The following PTK2 variants were observed in gnomAD, a reference collection of about 807,000 sequenced individuals.
PTK2 encodes protein tyrosine kinase 2, also known as focal adhesion kinase 1.
Under a neutral mutation model 150.1 loss-of-function variants are expected in PTK2, and 45 were observed. The ratio of observed to expected loss-of-function variants is 0.30; its 90% CI spans 0.24 to 0.38. The LOEUF (loss-of-function observed/expected upper bound fraction) is 0.38, where lower values mean the gene tolerates loss of function less well. Ranked by LOEUF, PTK2 falls within the 10% of genes least tolerant of loss-of-function variation. The pLI is 1.00. For missense variants in PTK2, 919 were observed against 1,307.3 expected (o/e 0.70, Z 4.58); for synonymous variants, 432 against 449.2 (o/e 0.96, Z 0.48).
intron 26 of PTK2, among the ~76,000 whole-genome samples, chr8:140,697,638 G>A (rs369674276): frequency 3.4e-4 from 52 of 152,096 alleles, no homozygotes; most frequent in African/African-American, 1.2e-3. Context: ...TGGCCAGGCC[G>A]GTCTCGAACT....
At chr8:140,852,463 T>C (rs11785111) in intron 5 of PTK2, among the ~76,000 whole-genome samples, 64,423 of 151,992 alleles carry the variant, frequency 0.42, 15,346 homozygotes, top group Non-Finnish European at 0.55. Context: ...GTGTAAACAT[T>C]AGTGAAATCT....
chr8:140,994,307 T>C lies in PTK2; in HGVS notation c.-122+6818A>G, dbSNP rs149354225. On this transcript the variant is annotated intron_variant, in intron 1 of 31. Coordinates refer to ENST00000522684, the Ensembl canonical transcript of PTK2. ...ACAAACCATTTCATTAGAGTATTTATGCAAATCAAGCTACAATTAACAGCA... is the reference window on the plus strand; with the variant it reads ...ACAAACCATTTCATTAGAGTATTTACGCAAATCAAGCTACAATTAACAGCA... 7.9e-5 allele frequency among the ~76,000 whole-genome samples: 12 copies of C among 152,360 alleles called. No individual in the cohort carries two copies. In the East Asian group the frequency reaches 2.3e-3, roughly 29 times the overall value.
At chr8:141,001,462 C>T (rs531747006), upstream of PTK2, 26 of 152,272 alleles carry the variant, frequency 1.7e-4, no homozygotes, top group East Asian at 4.1e-3. Flanking sequence ...GTAATTTGTC[C>T]TGTAGTGACC....
chr8:140,947,768 TG>T (rs1262096063), intron 1 of PTK2, among the ~76,000 whole-genome samples: 3 of 152,152 alleles, frequency 2.0e-5, no homozygotes, highest in African/African-American at 7.2e-5. Context: ...GATGAGGCTT[TG>T]GGCCTGGCCA....
chr8:140,694,259 T>C (rs2100025086), intron 26 of PTK2, among the ~76,000 whole-genome samples: 1 of 152,086 alleles, frequency 6.6e-6, no homozygotes, highest in African/African-American at 2.4e-5. Flanking sequence ...GCCAGGATGG[T>C]CTCGATCTCC....
intron 1 of PTK2, among the ~76,000 whole-genome samples, chr8:140,955,854 A>C (rs2100181031): frequency 6.6e-6 from 1 of 152,214 alleles, no homozygotes; most frequent in African/African-American, 2.4e-5. Flanking sequence ...TGGAGGCATA[A>C]AGGATGATGG....
chr8:140,731,855 A>G (rs1426567697), intron 22 of PTK2, among the ~76,000 whole-genome samples: 1 of 152,170 alleles, frequency 6.6e-6, no homozygotes, highest in African/African-American at 2.4e-5. Flanking sequence ...GGCAGCAGAG[A>G]TGGTGCCACC....
Position 140,811,940 on chromosome 8 carries a change from C to T in PTK2, c.867+6337G>A, listed in dbSNP as rs562657658. On this transcript the variant is annotated intron_variant, in intron 10 of 31. Coordinates refer to ENST00000522684, the Ensembl canonical transcript of PTK2. ...GTAAAGAGACCAAATCTATGTCTCA[C>T]TGGTGTCCCTGAAAGAGCTGGGGAG... Among the ~76,000 whole-genome samples the T allele has an allele frequency of 7.4e-4, 113 of 152,278 alleles. 1 individual carries two copies. In the Middle Eastern group the frequency reaches 0.017, roughly 23 times the overall value.
intron 19 of PTK2, among the ~76,000 whole-genome samples, chr8:140,743,628 C>T (rs935035785): frequency 2.0e-5 from 3 of 152,110 alleles, no homozygotes; most frequent in Admixed American, 2.0e-4. Flanking sequence ...TAAAACCATA[C>T]TACCAACGGC....
Position 140,668,510 on chromosome 8 carries a change from G to A in PTK2, c.2710-86C>T, listed in dbSNP as rs117248050. The A allele has an allele frequency of 1.3e-3, 1,908 of 1,436,804 alleles. 4 individuals carry two copies. Among genetic ancestry groups the A allele is most frequent in the South Asian group, 2.1e-3 (152 of 73,240 alleles). 89.0% of individuals were successfully genotyped at this position (1,436,804 alleles called of 1,614,324 possible). The stretch of plus-strand genomic sequence containing the variant: ...ATCAAGCTAGAGAGGGTCTTTACAA[G>A]AGATCAAAGCAGATTGCAGAAGGTC... On this transcript the variant is annotated intron_variant, in intron 29 of 31. Transcript: ENST00000522684.
At chr8:140,951,897 A>T (rs2100179666) in intron 1 of PTK2, among the ~76,000 whole-genome samples, 1 of 1,916 alleles carries the variant, frequency 5.2e-4, no homozygotes, top group African/African-American at 5.3e-4. Flanking sequence ...AAGAAAAATT[A>T]AAAAAAAAAA....
chr8:140,988,621 C>T (rs964298775), intron 1 of PTK2, among the ~76,000 whole-genome samples: 3 of 149,926 alleles, frequency 2.0e-5, no homozygotes, highest in Admixed American at 1.3e-4. Flanking sequence ...CCCAGCTATT[C>T]GGGAGGCTGA....
chr8:140,737,659 C>A (rs2100053362), intron 21 of PTK2, among the ~76,000 whole-genome samples: 1 of 152,164 alleles, frequency 6.6e-6, no homozygotes, highest in Non-Finnish European at 1.5e-5. Context: ...ACAAAACAAA[C>A]TCTACTTGAG....
intron 14 of PTK2, among the ~76,000 whole-genome samples, chr8:140,764,791 T>C (rs2100071441): frequency 6.6e-6 from 1 of 152,236 alleles, no homozygotes; most frequent in African/African-American, 2.4e-5. Flanking sequence ...ACTGTGCTAA[T>C]TCATTCCATT....
intron 14 of PTK2, among the ~76,000 whole-genome samples, chr8:140,779,694 A>C (rs2100080569): frequency 6.6e-6 from 1 of 152,234 alleles, no homozygotes; most frequent in Non-Finnish European, 1.5e-5. Flanking sequence ...GTATGCCAGC[A>C]ACAAGGGAGT....
chr8:140,930,682 C>T (rs990602815), intron 1 of PTK2, among the ~76,000 whole-genome samples: 5 of 152,154 alleles, frequency 3.3e-5, no homozygotes, highest in African/African-American at 1.2e-4. Context: ...GAGGACTTTA[C>T]TGGATATTGT....
At chr8:140,751,483 T>C (rs1440746962) in intron 17 of PTK2, among the ~76,000 whole-genome samples, 5 of 151,778 alleles carry the variant, frequency 3.3e-5, no homozygotes, top group Admixed American at 3.3e-4. Context: ...GGTGATTTGT[T>C]CTTTTTCTTT....
intron 29 of PTK2, chr8:140,669,729 T>G (rs2094559524): frequency 6.5e-7 from 1 of 1,533,862 alleles, no homozygotes; most frequent in African/African-American, 1.4e-5. Context: ...GTGCTTACCC[T>G]CCATGGCTAT....
At chr8:140,719,575 T>C (rs74647932) in intron 22 of PTK2, among the ~76,000 whole-genome samples, 2,584 of 152,314 alleles carry the variant, frequency 0.017, 74 homozygotes, top group African/African-American at 0.058. Context: ...TGAGAGCATC[T>C]GCTATAAGCG....
Sources: gnomAD v4.1 joint callset for allele counts (sites outside exome capture counted in the v4.1 genomes callset) on GRCh38, gnomAD v4.1.1 for gene constraint, MANE v1.5 for transcripts, NCBI Gene and HGNC (gene_info 2026-07-23, HGNC 2026-07-21) for gene names.